The following HERC2 variants were observed in gnomAD, a reference collection of about 807,000 sequenced individuals.
HERC2 encodes the protein E3 ubiquitin-protein ligase HERC2.
Under a neutral mutation model 537.7 loss-of-function variants are expected in HERC2, and 102 were observed. The observed-to-expected ratio is 0.19, with a 90% confidence interval of 0.16 to 0.22. HERC2 has a LOEUF of 0.22. Among genes scored for constraint, HERC2 ranks in the 10% least tolerant of loss-of-function variants. The pLI is 1.00. For synonymous variants in HERC2, 2,224 were observed against 2,466.2 expected, an observed-to-expected ratio of 0.90 and a Z score of 2.91; for missense variants, 4,236 against 6,198.2, an observed-to-expected ratio of 0.68 and a Z score of 10.63.
chr15:28,272,028 C>T, intron 9 of HERC2, 187 bp downstream of exon 9: 2 of 584,384 alleles, frequency 3.4e-6, no homozygotes. Flanking sequence ...GAAGTCAGTG[C>T]TCACTGATCC....
chr15:28,278,042 G>C (rs2075922443), intron 5 of HERC2, among the ~76,000 whole-genome samples: 1 of 151,690 alleles, frequency 6.6e-6, no homozygotes, highest in African/African-American at 2.4e-5. Context: ...GGTTGCTTGA[G>C]CCCAGGGGTT....
At chr15:28,279,023 CAG>C (rs1378332772) in intron 5 of HERC2, among the ~76,000 whole-genome samples, 1 of 152,180 alleles carries the variant, frequency 6.6e-6, no homozygotes, top group Non-Finnish European at 1.5e-5. Flanking sequence ...CTTTTTGAGA[CAG>C]AATTTCATTC....
intron 55 of HERC2, among the ~76,000 whole-genome samples, chr15:28,188,312 G>A (rs1896510531): frequency 1.3e-5 from 2 of 152,170 alleles, no homozygotes; most frequent in Admixed American, 6.5e-5. Flanking sequence ...GGAGGCCGAG[G>A]CAGGTGGATC....
chr15:28,118,373 G>C (rs950921934), intron 86 of HERC2: 3 of 152,302 alleles, frequency 2.0e-5, no homozygotes, highest in Admixed American at 6.5e-5. Flanking sequence ...CAGCCATAAG[G>C]CTGGAGGCAG....
Position 28,113,014 on chromosome 15 carries a change from G to C in HERC2, c.14232+57C>G. The C allele has an allele frequency of 7.0e-7, 1 of 1,430,576 alleles. No individual in the cohort carries two copies. Among genetic ancestry groups the C allele is most frequent in the Non-Finnish European group, 9.7e-7 (1 of 1,029,788 alleles). 88.6% of individuals were successfully genotyped at this position (1,430,576 alleles called of 1,614,324 possible). A position where few individuals can be genotyped will look rare whatever the true frequency, so the allele number is the denominator to read the frequency against. On this transcript the variant is annotated intron_variant, in intron 92 of 92. Transcript: ENST00000261609. This position sits in a 1 kb window ranked among gnomAD's most constrained non-coding sequence, Gnocchi z 7.0. ...CTGCAGGACTGTGGGTGAGGAGCCAGCCACCCACCGTCGGCCGACATCAGC... is the reference window on the plus strand; with the variant it reads ...CTGCAGGACTGTGGGTGAGGAGCCACCCACCCACCGTCGGCCGACATCAGC...
At chr15:28,270,362 C>T (rs1260207842) in intron 10 of HERC2, among the ~76,000 whole-genome samples, 3 of 151,814 alleles carry the variant, frequency 2.0e-5, no homozygotes, top group Non-Finnish European at 2.9e-5. Flanking sequence ...CATACTAAGA[C>T]AGTCCGCGTT....
chr15:28,153,258 C>T (rs1892639582), intron 69 of HERC2, among the ~76,000 whole-genome samples: 1 of 152,186 alleles, frequency 6.6e-6, no homozygotes, highest in Admixed American at 6.5e-5. Context: ...GAGGCTGAGG[C>T]AGGAGAATCA....
rs1392520583 is a variant in HERC2, at chr15:28,202,376, C to G, written c.7451G>C (p.Gly2484Ala). ...CAAGCTGGATGCATTCCCGGAAGCA[C>G]CAGTGAGAGACTTCAGGGCAAACTC... ...NIEFALKSLT[G>A]ASGNASSLPG... The change falls in exon 46 of 93, where the codon GGT becomes GCT. Residue 2484 changes from glycine to alanine, a missense_variant. Physicochemically the swap from Gly to Ala is moderately conservative, Grantham distance 60. Coordinates refer to ENST00000261609, the MANE Select transcript of HERC2 (RefSeq NM_004667.6). 6.2e-7 allele frequency: 1 copy of G among 1,613,652 alleles called. No homozygotes were observed. The highest frequency in any genetic ancestry group is 1.3e-5 in the African/African-American group (1 of 74,880).
intron 86 of HERC2, among the ~76,000 whole-genome samples, chr15:28,120,731 T>A (rs1332178858): frequency 6.6e-6 from 1 of 152,136 alleles, no homozygotes; most frequent in Non-Finnish European, 1.5e-5. Flanking sequence ...GGATGTATCA[T>A]CAAATTGTCA....
intron 4 of HERC2, among the ~76,000 whole-genome samples, chr15:28,289,209 G>T (rs549865387): frequency 1.3e-5 from 2 of 152,176 alleles, no homozygotes; most frequent in African/African-American, 4.8e-5. Context: ...ATACCTGAAA[G>T]AAATGCACTT....
intron 10 of HERC2, 74 bp from the exon 11 acceptor site, chr15:28,269,510 AC>A: frequency 8.5e-7 from 1 of 1,175,716 alleles, no homozygotes; most frequent in African/African-American, 1.5e-5. Context: ...ACACTGAGCT[AC>A]TACAAAATAA....
Position 28,266,662 on chromosome 15 carries a change from G to C in HERC2, c.1599-688C>G, listed in dbSNP as rs140925883. 4.4e-3 allele frequency among the ~76,000 whole-genome samples: 676 copies of C among 152,304 alleles called. 4 individuals are homozygous for C. Among genetic ancestry groups the C allele is most frequent in the African/African-American group, 0.015 (642 of 41,558 alleles). On this transcript the variant is annotated intron_variant, in intron 12 of 92. Transcript: ENST00000261609. ...GACATCTGCTAAGTCAAAGATGCCAGAAACAAAATACCATACACTGTATGG... is the reference window on the plus strand; with the variant it reads ...GACATCTGCTAAGTCAAAGATGCCACAAACAAAATACCATACACTGTATGG...
In HERC2 at chr15:28,238,671, C is replaced by G; in HGVS notation, c.3679G>C (p.Val1227Leu). ...NHNKDGGFWT[V>L]IDGKVYDIKD... The stretch of plus-strand genomic sequence containing the variant: ...ATATCATACACCTTCCCGTCAATCA[C>G]AGTCCAGAAGCCTCCATCTTTATTA... Residue 1227 changes from valine to leucine, a missense_variant, in exon 24 of 93, where the codon GTG becomes CTG. Val to Leu is a conservative substitution (Grantham distance 32, BLOSUM62 1). Coordinates refer to ENST00000261609, the MANE Select transcript of HERC2 (RefSeq NM_004667.6). 4.3e-6 allele frequency: 7 copies of G among 1,611,546 alleles called. No homozygotes were observed. The highest frequency in any genetic ancestry group is 5.9e-6 in the Non-Finnish European group (7 of 1,179,458).
chr15:28,266,351 A>G (rs2075567616), intron 12 of HERC2, among the ~76,000 whole-genome samples: 2 of 152,106 alleles, frequency 1.3e-5, no homozygotes, highest in East Asian at 1.9e-4. Context: ...TCCCGTCTCT[A>G]CTAAAAATAC....
At chr15:28,277,114 A>T (rs2075894896) in intron 5 of HERC2, among the ~76,000 whole-genome samples, 1 of 152,184 alleles carries the variant, frequency 6.6e-6, no homozygotes. Context: ...AAAATTTAAA[A>T]GCCAATGTCA....
chr15:28,179,183 T>C lies in HERC2; in HGVS notation c.8978A>G (p.Asn2993Ser). Residue 2993 changes from asparagine to serine, a missense_variant, in exon 58 of 93, where the codon AAT (asparagine) becomes AGT (serine). Transcript: ENST00000261609. ...PSFSETLSALNVVQVAGGSKS... is the reference protein window; with the variant it reads ...PSFSETLSALSVVQVAGGSKS... ...AGATCCACCAGCCACCTGTACCACA[T>C]TCAAAGCTGACAGTGTCTCAGAGAA... 1 of 1,613,138 alleles carries C rather than the reference T, an allele frequency of 6.2e-7. No homozygotes were observed. The highest frequency in any genetic ancestry group is 8.5e-7 in the Non-Finnish European group (1 of 1,179,658).
chr15:28,166,462 T>C (rs1316092528), intron 68 of HERC2, among the ~76,000 whole-genome samples: 2 of 152,220 alleles, frequency 1.3e-5, no homozygotes, highest in Non-Finnish European at 2.9e-5. Flanking sequence ...GTCTATTTGC[T>C]GAGAGGGCCT....
At chr15:28,247,932 CAG>C (rs1424373739) in intron 21 of HERC2, among the ~76,000 whole-genome samples, 1 of 152,206 alleles carries the variant, frequency 6.6e-6, no homozygotes, top group Non-Finnish European at 1.5e-5. Flanking sequence ...CCATCCTTGA[CAG>C]AGAAAGCCTC....
intron 3 of HERC2, among the ~76,000 whole-genome samples, chr15:28,295,773 T>C (rs1235099083): frequency 6.6e-6 from 1 of 152,200 alleles, no homozygotes; most frequent in Non-Finnish European, 1.5e-5. Flanking sequence ...AAACATTCTG[T>C]GGACTTCATC....
Sources: allele counts gnomAD v4.1 joint callset (sites outside exome capture counted in the v4.1 genomes callset), GRCh38; gene constraint gnomAD v4.1.1; non-coding constraint Gnocchi (gnomAD v3.1); transcripts MANE v1.5; gene names NCBI Gene and HGNC (gene_info 2026-07-23, HGNC 2026-07-21).